The following SHANK2 variants were observed in gnomAD, a reference collection of about 807,000 sequenced individuals.
SHANK2 encodes the protein SH3 and multiple ankyrin repeat domains 2.
SHANK2 carries 43 observed loss-of-function variants against 133.7 expected under a neutral mutation model. The observed-to-expected ratio is 0.32, with a 90% CI of 0.25 to 0.41. The LOEUF (loss-of-function observed/expected upper bound fraction) is 0.41. Ranked by LOEUF, SHANK2 falls within the 10% of genes least tolerant of loss-of-function variation. The probability of loss-of-function intolerance (pLI) is 1.00; values close to 1 mark genes in which losing one functional copy is unlikely to be tolerated. For synonymous variants in SHANK2, 1,017 were observed against 952.8 expected, an observed-to-expected ratio of 1.07 and a Z score of -1.24; for missense variants, 1,994 against 2,235.8, an observed-to-expected ratio of 0.89 and a Z score of 2.18.
chr11:70,660,876 C>A (rs2061477666), intron 16 of SHANK2, among the ~76,000 whole-genome samples: 1 of 152,248 alleles, frequency 6.6e-6, no homozygotes, highest in South Asian at 2.1e-4. Context: ...CAAGATGAAA[C>A]TTCCACATGG....
intron 17 of SHANK2, among the ~76,000 whole-genome samples, chr11:70,551,853 A>C (rs2059773803): frequency 6.6e-6 from 1 of 152,200 alleles, no homozygotes; most frequent in African/African-American, 2.4e-5. Flanking sequence ...TAGCAGGCAC[A>C]GTCAGGAGTG....
At chr11:70,769,595 A>C (rs1224136919) in intron 14 of SHANK2, among the ~76,000 whole-genome samples, 1 of 152,220 alleles carries the variant, frequency 6.6e-6, no homozygotes, top group African/African-American at 2.4e-5. Context: ...CTGCGAGAGC[A>C]CATGAAATGG....
chr11:71,184,635 C>G (rs1488225588), intron 2 of SHANK2, among the ~76,000 whole-genome samples: 1 of 152,200 alleles, frequency 6.6e-6, no homozygotes, highest in African/African-American at 2.4e-5. Context: ...TCCTGATGAA[C>G]TTGGTTATGT....
At position 71,092,613 on chromosome 11, in the gene SHANK2, G is replaced by A. The variant is rs961593414; in HGVS notation, c.745-24C>T. 2.5e-5 allele frequency: 39 copies of A among 1,548,266 alleles called. No individual in the cohort carries two copies. In the African/African-American group the frequency reaches 3.0e-4, roughly 12 times the overall value. ...GTCTAGGAAAAAAAAATTGAAAGCC[G>A]TCGTTATTGGTCTCATGACCCCTTT... On this transcript the variant is annotated intron_variant, in intron 7 of 25. Coordinates refer to ENST00000601538, the MANE Select transcript of SHANK2 (RefSeq NM_012309.5).
chr11:70,913,825 C>G (rs1226792843), intron 10 of SHANK2, among the ~76,000 whole-genome samples: 5 of 152,132 alleles, frequency 3.3e-5, no homozygotes, highest in African/African-American at 1.2e-4. Context: ...GCCAGGCTCT[C>G]TGTGCTTCTG....
At chr11:70,759,201 A>G (rs1423832678) in intron 14 of SHANK2, among the ~76,000 whole-genome samples, 1 of 149,272 alleles carries the variant, frequency 6.7e-6, no homozygotes, top group Non-Finnish European at 1.5e-5. Context: ...AAAACAAAAA[A>G]ACTGAGTTCT....
At chr11:71,152,113 CTT>C (rs1565482552) in intron 2 of SHANK2, among the ~76,000 whole-genome samples, 2 of 151,962 alleles carry the variant, frequency 1.3e-5, no homozygotes, top group African/African-American at 4.8e-5. Flanking sequence ...TGGAAATTCA[CTT>C]TGTTTGTTTT....
At chr11:70,805,304 C>G (rs1555051589) in intron 13 of SHANK2, among the ~76,000 whole-genome samples, 1 of 152,260 alleles carries the variant, frequency 6.6e-6, no homozygotes, top group Non-Finnish European at 1.5e-5. Context: ...GACCGTGTGT[C>G]CCTTCCTGCT....
In SHANK2 at chr11:71,057,093, G is replaced by T. The variant is rs1198955012; in HGVS notation, c.1030-535C>A. ...CTCACACCTGTAATCCCAACACTTT[G>T]GGAGGTCGAGGTGGGCCAATCACCT... On this transcript the variant is annotated intron_variant, in intron 9 of 25. Coordinates refer to ENST00000601538, the MANE Select transcript of SHANK2 (RefSeq NM_012309.5). 2.0e-5 allele frequency among the ~76,000 whole-genome samples: 3 copies of T among 152,288 alleles called. 1 individual carries two copies. The highest frequency in any genetic ancestry group is 7.2e-5 in the African/African-American group (3 of 41,552).
intron 2 of SHANK2, among the ~76,000 whole-genome samples, chr11:71,202,489 G>A (rs1283183660): frequency 6.6e-6 from 1 of 152,216 alleles, no homozygotes; most frequent in African/African-American, 2.4e-5. Flanking sequence ...ACAAGGCAGA[G>A]CTAGGACCCA....
At chr11:71,183,036 A>T (rs111747363) in intron 2 of SHANK2, among the ~76,000 whole-genome samples, 4 of 152,090 alleles carry the variant, frequency 2.6e-5, no homozygotes, top group African/African-American at 9.7e-5. Flanking sequence ...GTCTTCATGA[A>T]ACTCTGGTGA....
chr11:71,251,861 C>A (rs1214156210), intron 1 of SHANK2, among the ~76,000 whole-genome samples: 3 of 151,728 alleles, frequency 2.0e-5, no homozygotes, highest in Admixed American at 2.0e-4. Flanking sequence ...GCTCTGCGTG[C>A]AGGGCCAGGG....
intron 17 of SHANK2, among the ~76,000 whole-genome samples, chr11:70,623,379 C>T (rs1554998668): frequency 6.6e-6 from 1 of 152,214 alleles, no homozygotes; most frequent in East Asian, 1.9e-4. Flanking sequence ...GCTCCACGCA[C>T]CATTTGCCCT....
At chr11:70,919,703 A>G (rs1950321039) in intron 10 of SHANK2, among the ~76,000 whole-genome samples, 1 of 152,110 alleles carries the variant, frequency 6.6e-6, no homozygotes, top group African/African-American at 2.4e-5. Context: ...TACTTCTCCT[A>G]TCTCAGCGAA....
At chr11:70,539,292 C>T (rs782777462) in intron 17 of SHANK2, among the ~76,000 whole-genome samples, 1 of 152,214 alleles carries the variant, frequency 6.6e-6, no homozygotes, top group Non-Finnish European at 1.5e-5. Flanking sequence ...CCAAACGCAG[C>T]TGGCAGGACA....
At chr11:70,543,567 C>T (rs7125142) in intron 17 of SHANK2, among the ~76,000 whole-genome samples, 6,927 of 152,258 alleles carry the variant, frequency 0.045, 297 homozygotes, top group African/African-American at 0.11. Flanking sequence ...TTGGGGGTGG[C>T]GTGCCTGGGC....
intron 17 of SHANK2, chr11:70,604,828 G>C (rs1212906134): frequency 6.6e-6 from 1 of 152,338 alleles, no homozygotes; most frequent in Non-Finnish European, 1.5e-5. Flanking sequence ...AGGCACAGAA[G>C]GGCTGAGGGT....
At chr11:70,774,336 T>C (rs1489005853) in intron 14 of SHANK2, among the ~76,000 whole-genome samples, 1 of 151,948 alleles carries the variant, frequency 6.6e-6, no homozygotes, top group African/African-American at 2.4e-5. Flanking sequence ...GTTTTTTTTT[T>C]TGAGATGGAG....
At chr11:70,878,600 G>A (rs543017554) in intron 11 of SHANK2, among the ~76,000 whole-genome samples, 26 of 152,282 alleles carry the variant, frequency 1.7e-4, no homozygotes, top group African/African-American at 5.8e-4. Flanking sequence ...CCACCATGAC[G>A]GCCTTCCTCG....
Sources: allele counts gnomAD v4.1 joint callset (sites outside exome capture counted in the v4.1 genomes callset), GRCh38; gene constraint gnomAD v4.1.1; transcripts MANE v1.5; gene names NCBI Gene and HGNC (gene_info 2026-07-23, HGNC 2026-07-21).